LRRC37A2: variants seen among roughly 807,000 people sequenced by gnomAD.
The protein encoded by LRRC37A2 is leucine rich repeat containing 37 member A2.
In LRRC37A2, 9 loss-of-function variants were observed where a neutral mutation model predicts 68.8. That is an observed-to-expected ratio of 0.13 (90% CI 0.08 to 0.23). The LOEUF is 0.23. Among genes scored for constraint, LRRC37A2 ranks in the 10% least tolerant of loss-of-function variants. The probability of loss-of-function intolerance (pLI) is 1.00; values close to 1 mark genes in which losing one functional copy is unlikely to be tolerated. For synonymous variants in LRRC37A2, 63 were observed against 367.6 expected (o/e 0.17, Z 9.48); for missense variants, 168 against 950.4 (o/e 0.18, Z 10.82).
chr17:46,784,468 G>A, the LRRC37A2 span, among the ~76,000 whole-genome samples: 191 of 152,234 alleles, frequency 1.3e-3, no homozygotes, highest in Middle Eastern at 0.014. Flanking sequence ...GCACACGGTG[G>A]GAGGACACTG....
chr17:46,747,378 T>C, the LRRC37A2 span, among the ~76,000 whole-genome samples: 8 of 152,232 alleles, frequency 5.3e-5, no homozygotes, highest in South Asian at 1.7e-3. Flanking sequence ...ACTCCTTGGC[T>C]CAAGCGATCT....
At chr17:46,705,505 G>C in the LRRC37A2 span, among the ~76,000 whole-genome samples, 1 of 145,478 alleles carries the variant, frequency 6.9e-6, no homozygotes, top group African/African-American at 2.5e-5. Flanking sequence ...AGAGTCCTGT[G>C]TTAATACAAA....
At chr17:46,918,706 G>T in the LRRC37A2 span, among the ~76,000 whole-genome samples, 1 of 151,958 alleles carries the variant, frequency 6.6e-6, no homozygotes, top group Non-Finnish European at 1.5e-5. Context: ...AACCACAAGG[G>T]TCATTGGACT....
At chr17:46,829,505 CA>C in the LRRC37A2 span, among the ~76,000 whole-genome samples, 1 of 152,188 alleles carries the variant, frequency 6.6e-6, no homozygotes, top group African/African-American at 2.4e-5. Context: ...GCAGCCCAGC[CA>C]CCTGCCTCCT....
chr17:46,910,367 A>C, the LRRC37A2 span, among the ~76,000 whole-genome samples: 140,413 of 152,142 alleles, frequency 0.92, 65,542 homozygotes, highest in East Asian at 1. Flanking sequence ...CACTGGCCTG[A>C]CACAGCTGGA....
chr17:46,777,572 C>G, the LRRC37A2 span, among the ~76,000 whole-genome samples: 11 of 152,372 alleles, frequency 7.2e-5, no homozygotes, highest in Admixed American at 6.5e-4. Context: ...CTCCTCTGCC[C>G]CACAGGGATT....
the LRRC37A2 span, among the ~76,000 whole-genome samples, chr17:46,842,431 G>A: frequency 6.6e-6 from 1 of 152,188 alleles, no homozygotes; most frequent in African/African-American, 2.4e-5. Flanking sequence ...CTGGAGTGCA[G>A]TGGCGCGATC....
the LRRC37A2 span, among the ~76,000 whole-genome samples, chr17:46,818,046 G>A: frequency 6.6e-6 from 1 of 152,206 alleles, no homozygotes. Context: ...GCAAAGGGGG[G>A]TTATTATGGG....
chr17:46,938,127 T>G, the LRRC37A2 span: 2 of 220,198 alleles, frequency 9.1e-6, no homozygotes, highest in Non-Finnish European at 1.8e-5. Flanking sequence ...CCTCCCAGAG[T>G]GCTGGGATTA....
chr17:46,969,894 A>G, the LRRC37A2 span, among the ~76,000 whole-genome samples: 261 of 151,770 alleles, frequency 1.7e-3, 1 homozygote, highest in African/African-American at 6.2e-3. Flanking sequence ...CCACTTTCTC[A>G]CTCTGCATCC....
the LRRC37A2 span, among the ~76,000 whole-genome samples, chr17:46,722,762 ATG>A: frequency 6.6e-6 from 1 of 152,252 alleles, no homozygotes; most frequent in Middle Eastern, 3.4e-3. Flanking sequence ...AGAAAAAGGG[ATG>A]TGTGTGTATG....
intron 10 of LRRC37A2, among the ~76,000 whole-genome samples, 166 bp from the exon 10 acceptor site, chr17:46,550,249 G>A (rs1329641943): frequency 2.8e-5 from 1 of 36,076 alleles, no homozygotes; most frequent in Non-Finnish European, 5.8e-5. Context: ...CAGGGAGGTC[G>A]AGTCTAGTGA....
chr17:46,882,562 A>G, the LRRC37A2 span, among the ~76,000 whole-genome samples: 1 of 151,988 alleles, frequency 6.6e-6, no homozygotes, highest in African/African-American at 2.4e-5. Flanking sequence ...CAGCCTCTAG[A>G]GTAGCTGGGA....
chr17:46,534,844 C>G (rs1170047417), intron 6 of LRRC37A2, among the ~76,000 whole-genome samples: 4 of 149,268 alleles, frequency 2.7e-5, no homozygotes, highest in Non-Finnish European at 4.4e-5. Flanking sequence ...ACCTCCCTCC[C>G]AGACAGGGCG....
the LRRC37A2 span, chr17:47,018,618 CA>C: frequency 6.6e-7 from 1 of 1,520,418 alleles, no homozygotes; most frequent in Non-Finnish European, 9.1e-7. Context: ...AGCAGTTCAA[CA>C]GGAGACTTCA....
chr17:46,868,319 T>C, the LRRC37A2 span, among the ~76,000 whole-genome samples: 47 of 152,294 alleles, frequency 3.1e-4, no homozygotes, highest in South Asian at 1.2e-3. Context: ...TGGCTGGGCG[T>C]GGTGGCTCAT....
At chr17:46,771,574 C>A in the LRRC37A2 span, among the ~76,000 whole-genome samples, 2 of 148,400 alleles carry the variant, frequency 1.3e-5, no homozygotes, top group African/African-American at 2.4e-5. Flanking sequence ...CGGCGGGGCC[C>A]GCTGGGCCGC....
At chr17:46,980,947 G>A in the LRRC37A2 span, among the ~76,000 whole-genome samples, 1 of 152,092 alleles carries the variant, frequency 6.6e-6, no homozygotes, top group African/African-American at 2.4e-5. Context: ...GGGGAAAGGG[G>A]GCTCCCCACC....
the LRRC37A2 span, among the ~76,000 whole-genome samples, chr17:46,633,956 C>G: frequency 1.9e-5 from 1 of 52,146 alleles, no homozygotes; most frequent in Non-Finnish European, 3.1e-5. Context: ...ACTGCAGCCT[C>G]GCCTCCCAGG....
Sources: gnomAD v4.1 joint callset for allele counts (sites outside exome capture counted in the v4.1 genomes callset) on GRCh38, gnomAD v4.1.1 for gene constraint, MANE v1.5 for transcripts, NCBI Gene and HGNC (gene_info 2026-07-23, HGNC 2026-07-21) for gene names.